Variants in VTI1A observed in about 807,000 individuals in gnomAD.
VTI1A encodes vesicle transport through interaction with t-SNAREs 1A, also known as vesicle transport through interaction with t-SNAREs homolog 1A.
In VTI1A, 22 loss-of-function variants were observed where a neutral mutation model predicts 34.9. The observed-to-expected ratio is 0.63, with a 90% CI of 0.45 to 0.90. The LOEUF is 0.90. VTI1A is among the 40% of genes least tolerant of loss of function. The pLI is 0.00. For missense variants in VTI1A, 268 were observed against 275.6 expected (o/e 0.97, Z 0.20); for synonymous variants, 87 against 97.3 (o/e 0.89, Z 0.62).
rs1850568063 is a variant in VTI1A at position 112,738,218 on chromosome 10, AAC to A, written c.560+69221_560+69222del. Among the ~76,000 whole-genome samples, 3 of 152,258 alleles carry A rather than the reference AAC, an allele frequency of 2.0e-5. No homozygotes were observed. The South Asian group carries it at 6.2e-4, about 32-fold the overall frequency. ...GGCACCATCCCTGGCGAGCACCCCT[AAC>A]GTTCCCTGTGCCCACGTGTCCCTTC... On this transcript the variant is annotated intron_variant, in intron 7 of 7. Transcript: ENST00000393077.
intron 5 of VTI1A, among the ~76,000 whole-genome samples, chr10:112,546,331 C>G (rs555394078): frequency 4.6e-5 from 7 of 152,150 alleles, no homozygotes; most frequent in African/African-American, 1.7e-4. Flanking sequence ...CTTTGAGAAG[C>G]TGAGGTGGGA....
intron 5 of VTI1A, chr10:112,548,985 G>C (rs756180826): frequency 1.9e-5 from 12 of 623,918 alleles, no homozygotes; most frequent in Non-Finnish European, 2.8e-5. Flanking sequence ...CTCCTTCCCT[G>C]CCCTCCTGCC....
chr10:112,511,245 GT>G lies in VTI1A; in HGVS notation c.265-15827del, dbSNP rs765282385. Among the ~76,000 whole-genome samples the G allele has an allele frequency of 6.4e-3, 916 of 142,446 alleles. 5 individuals carry two copies. Among genetic ancestry groups the G allele is most frequent in the African/African-American group, 0.018 (701 of 39,012 alleles). The allele number at this position is 142,446 out of a possible 152,430, so 93.5% of individuals were successfully genotyped here. ...TACAAATGTATGGGATACATGTGAGGTTTTTTTTTTTTTTTCTTTTTCAGAG... is the reference window on the plus strand; with the variant it reads ...TACAAATGTATGGGATACATGTGAGGTTTTTTTTTTTTTTCTTTTTCAGAG... On this transcript the variant is annotated intron_variant, in intron 3 of 7. Coordinates refer to ENST00000393077, the MANE Select transcript of VTI1A (RefSeq NM_145206.4).
At chr10:112,713,582 G>A (rs1849504950) in intron 7 of VTI1A, among the ~76,000 whole-genome samples, 1 of 152,154 alleles carries the variant, frequency 6.6e-6, no homozygotes, top group Admixed American at 6.5e-5. Flanking sequence ...CAGTCTATCA[G>A]CCTTAAGAGC....
At chr10:112,757,618 T>A (rs1348336431) in intron 7 of VTI1A, among the ~76,000 whole-genome samples, 1 of 152,116 alleles carries the variant, frequency 6.6e-6, no homozygotes, top group Non-Finnish European at 1.5e-5. Context: ...ACTCATGGCC[T>A]CAAGTGATCT....
rs531493170 is a variant in VTI1A at position 112,817,993 on chromosome 10, T to C, written c.*2610T>C. 8.1e-5 allele frequency: 19 copies of C among 233,234 alleles called. No individual in the cohort carries two copies. The highest frequency in any genetic ancestry group is 4.0e-4 in the African/African-American group (18 of 45,448). 14.4% of individuals were successfully genotyped at this position (233,234 alleles called of 1,614,324 possible). ...ACTCCAGAATCAAAAGCAATTTAATTAAAGTCTCTTAAGTTGTAAAGAGTT... is the reference window on the plus strand; with the variant it reads ...ACTCCAGAATCAAAAGCAATTTAATCAAAGTCTCTTAAGTTGTAAAGAGTT... On this transcript the variant is annotated 3_prime_UTR_variant, in exon 8 of 8. Coordinates refer to ENST00000393077, the MANE Select transcript of VTI1A (RefSeq NM_145206.4).
At chr10:112,686,326 CATCTTCT>C (rs1228743258) in intron 7 of VTI1A, among the ~76,000 whole-genome samples, 2 of 152,076 alleles carry the variant, frequency 1.3e-5, no homozygotes, top group African/African-American at 4.8e-5. Flanking sequence ...AAATTTTCAT[CATCTTCT>C]ATTTTCTTCA....
chr10:112,749,940 C>T (rs1156970784), intron 7 of VTI1A, among the ~76,000 whole-genome samples: 3 of 152,158 alleles, frequency 2.0e-5, no homozygotes, highest in Admixed American at 1.3e-4. Flanking sequence ...CAGTTTGAAA[C>T]TTACATTGAG....
At chr10:112,781,900 G>A (rs1454717915) in intron 7 of VTI1A, among the ~76,000 whole-genome samples, 1 of 152,048 alleles carries the variant, frequency 6.6e-6, no homozygotes, top group Non-Finnish European at 1.5e-5. Context: ...TGTGGTCCGA[G>A]GCTCTTCCTG....
chr10:112,745,491 C>T (rs1850864323), intron 7 of VTI1A, among the ~76,000 whole-genome samples: 1 of 152,134 alleles, frequency 6.6e-6, no homozygotes, highest in African/African-American at 2.4e-5. Flanking sequence ...TCTGAGCCTG[C>T]ACCTTTGTGT....
intron 7 of VTI1A, among the ~76,000 whole-genome samples, chr10:112,695,680 C>T (rs531969430): frequency 1.3e-5 from 2 of 152,284 alleles, no homozygotes; most frequent in South Asian, 2.1e-4. Flanking sequence ...TGGAAATGCA[C>T]GTTGCAGATG....
At chr10:112,740,897 A>G (rs927402372) in intron 7 of VTI1A, among the ~76,000 whole-genome samples, 1 of 152,262 alleles carries the variant, frequency 6.6e-6, no homozygotes, top group African/African-American at 2.4e-5. Flanking sequence ...AGCATTATTT[A>G]TAATAGTCAA....
intron 7 of VTI1A, among the ~76,000 whole-genome samples, chr10:112,678,039 G>A (rs1198288839): frequency 6.6e-6 from 1 of 152,092 alleles, no homozygotes; most frequent in East Asian, 1.9e-4. Flanking sequence ...GAAACCCTGC[G>A]GGTTTTTATC....
At chr10:112,720,475 T>C (rs1480133469) in intron 7 of VTI1A, among the ~76,000 whole-genome samples, 2 of 152,250 alleles carry the variant, frequency 1.3e-5, no homozygotes, top group Non-Finnish European at 2.9e-5. Flanking sequence ...TGAACATTTT[T>C]TCATGTGCTT....
chr10:112,474,259 G>T (rs532733468), intron 3 of VTI1A, among the ~76,000 whole-genome samples: 1 of 151,870 alleles, frequency 6.6e-6, no homozygotes, highest in Admixed American at 6.6e-5. Flanking sequence ...TAGAGACGAG[G>T]TTTCACTGTG....
intron 7 of VTI1A, among the ~76,000 whole-genome samples, chr10:112,812,102 A>G (rs1410009779): frequency 6.6e-6 from 1 of 152,238 alleles, no homozygotes; most frequent in Admixed American, 6.5e-5. Context: ...TTGGCTCTGC[A>G]TTCTTTTAAA....
rs1853555376 is a variant in VTI1A, at chr10:112,817,411, A to AGGAG, written c.*2031_*2034dup. On this transcript the variant is annotated 3_prime_UTR_variant, in exon 8 of 8. Coordinates refer to ENST00000393077, the MANE Select transcript of VTI1A (RefSeq NM_145206.4). ...GTTGAAGCAGACAAAATGAGAAAGG[A>AGGAG]GGAGGGCATTGCTCACCTCTCAATA... The AGGAG allele has an allele frequency of 4.3e-6, 1 of 232,080 alleles. No individual in the cohort carries two copies. The highest frequency in any genetic ancestry group is 2.2e-5 in the African/African-American group (1 of 45,278). 14.4% of individuals were successfully genotyped at this position (232,080 alleles called of 1,614,324 possible). A position where few individuals can be genotyped will look rare whatever the true frequency, so the allele number is the denominator to read the frequency against.
chr10:112,635,889 A>G (rs1231464230), intron 5 of VTI1A, among the ~76,000 whole-genome samples: 1 of 152,224 alleles, frequency 6.6e-6, no homozygotes, highest in East Asian at 1.9e-4. Flanking sequence ...GGATGAGTGA[A>G]CTACCCAGCA....
intron 7 of VTI1A, among the ~76,000 whole-genome samples, chr10:112,718,572 A>G (rs995814492): frequency 6.6e-6 from 1 of 152,206 alleles, no homozygotes; most frequent in African/African-American, 2.4e-5. Flanking sequence ...AAAATATAGG[A>G]TATATAAGCA....
Sources: allele counts gnomAD v4.1 joint callset (sites outside exome capture counted in the v4.1 genomes callset), GRCh38; gene constraint gnomAD v4.1.1; transcripts MANE v1.5; gene names NCBI Gene and HGNC (gene_info 2026-07-23, HGNC 2026-07-21).